The following FRYL variants were observed in gnomAD, a reference collection of about 807,000 sequenced individuals.
FRYL encodes FRY like transcription coactivator, also known as protein furry homolog-like.
A neutral mutation model predicts 351.2 loss-of-function variants in FRYL; 150 were observed. The ratio of observed to expected loss-of-function variants is 0.43; its 90% confidence interval spans 0.37 to 0.49. The LOEUF (loss-of-function observed/expected upper bound fraction) is 0.49, where lower values mean the gene tolerates loss of function less well. FRYL is among the 20% of genes least tolerant of loss of function. The pLI is 0.00. For missense variants in FRYL, 3,036 were observed against 3,619.3 expected, an observed-to-expected ratio of 0.84 and a Z score of 4.13; for synonymous variants, 1,153 against 1,257.1, an observed-to-expected ratio of 0.92 and a Z score of 1.75.
intron 3 of FRYL, among the ~76,000 whole-genome samples, chr4:48,640,870 T>C (rs1414078947): frequency 2.0e-5 from 3 of 152,054 alleles, no homozygotes; most frequent in African/African-American, 4.8e-5. Context: ...AGAACCAAAG[T>C]GCCTGGGAAG....
At chr4:48,610,656 T>C (rs1211157345) in intron 7 of FRYL, among the ~76,000 whole-genome samples, 3 of 146,850 alleles carry the variant, frequency 2.0e-5, no homozygotes, top group East Asian at 1.9e-4. Context: ...TATGTATATA[T>C]TGTATATATA....
intron 44 of FRYL, 47 bp from the exon 45 acceptor site, chr4:48,542,168 G>T (rs1160199666): frequency 7.7e-7 from 1 of 1,300,502 alleles, no homozygotes; most frequent in Non-Finnish European, 1.1e-6. Flanking sequence ...CTGGAATAAA[G>T]AAACTGCAAT....
intron 16 of FRYL, among the ~76,000 whole-genome samples, chr4:48,593,271 C>CAAAAAAA (rs35026740): frequency 1.5e-5 from 2 of 133,728 alleles, no homozygotes; most frequent in Non-Finnish European, 3.1e-5. Flanking sequence ...AAAAAACAAC[C>CAAAAAAA]AAAAAAAAAA....
intron 30 of FRYL, among the ~76,000 whole-genome samples, chr4:48,564,313 G>C (rs1407421833): frequency 6.6e-6 from 1 of 152,196 alleles, no homozygotes; most frequent in Non-Finnish European, 1.5e-5. Context: ...TTTTACGCGA[G>C]CCTCTCTAGT....
chr4:48,638,225 T>C (rs1225207905), intron 3 of FRYL: 2 of 152,252 alleles, frequency 1.3e-5, no homozygotes, highest in Middle Eastern at 3.4e-3. Flanking sequence ...TATTTATGCA[T>C]AGATTTATAT....
chr4:48,527,410 G>C, intron 53 of FRYL, 67 bp downstream of exon 53: 2 of 1,313,008 alleles, frequency 1.5e-6, no homozygotes, highest in Non-Finnish European at 2.1e-6. Context: ...GAATGATCCT[G>C]TGATCAAATC....
At chr4:48,531,111 G>T in intron 50 of FRYL, 45 bp downstream of exon 50, 1 of 1,203,924 alleles carries the variant, frequency 8.3e-7, no homozygotes, top group Non-Finnish European at 1.2e-6. Flanking sequence ...ATAAACAAAT[G>T]AAAATTCCTA....
At chr4:48,609,611 C>T in intron 8 of FRYL, 133 bp downstream of exon 8, 1 of 459,356 alleles carries the variant, frequency 2.2e-6, no homozygotes, top group Non-Finnish European at 3.8e-6. Context: ...GAAAGTGAGA[C>T]CTTGCCTCAA....
intron 2 of FRYL, among the ~76,000 whole-genome samples, chr4:48,691,758 T>TCA (rs1765701438): frequency 6.6e-6 from 1 of 152,212 alleles, no homozygotes; most frequent in African/African-American, 2.4e-5. Flanking sequence ...CACTATGAAT[T>TCA]CATTTTACCA....
intron 27 of FRYL, among the ~76,000 whole-genome samples, chr4:48,569,083 A>G (rs1737615335): frequency 6.6e-6 from 1 of 152,218 alleles, no homozygotes; most frequent in Non-Finnish European, 1.5e-5. Context: ...CTTAATAGTC[A>G]TATAGTTTTT....
intron 48 of FRYL, 114 bp downstream of exon 48, chr4:48,535,543 C>T (rs910401120): frequency 6.4e-5 from 32 of 500,262 alleles, no homozygotes; most frequent in Admixed American, 4.4e-4. Flanking sequence ...TGATAAGGTG[C>T]CACAGAGTAG....
chr4:48,658,188 G>T (rs971805685), intron 3 of FRYL, among the ~76,000 whole-genome samples: 4 of 151,950 alleles, frequency 2.6e-5, no homozygotes, highest in African/African-American at 9.7e-5. Flanking sequence ...TAAATGGTCT[G>T]GCTAAACAAA....
chr4:48,626,985 T>G (rs1020319968), intron 4 of FRYL, among the ~76,000 whole-genome samples: 6 of 152,122 alleles, frequency 3.9e-5, no homozygotes, highest in Non-Finnish European at 7.4e-5. Context: ...TAAGCATATT[T>G]GGTCAATTAT....
intron 37 of FRYL, 126 bp from the exon 38 acceptor site, chr4:48,550,830 T>C: frequency 2.9e-6 from 2 of 698,866 alleles, no homozygotes; most frequent in Non-Finnish European, 5.0e-6. Context: ...TCCCAGCACT[T>C]TGGGAGGCCA....
chr4:48,718,259 C>T (rs151050776), intron 1 of FRYL, among the ~76,000 whole-genome samples: 1 of 151,666 alleles, frequency 6.6e-6, no homozygotes, highest in East Asian at 1.9e-4. Flanking sequence ...AATGCTTTGT[C>T]TCTAAACATT....
At chr4:48,670,335 A>G (rs897083122) in intron 3 of FRYL, among the ~76,000 whole-genome samples, 1 of 151,924 alleles carries the variant, frequency 6.6e-6, no homozygotes, top group African/African-American at 2.4e-5. Context: ...TGGAAGGCTG[A>G]GGCAGGAAGA....
intron 3 of FRYL, among the ~76,000 whole-genome samples, chr4:48,648,971 T>C (rs775710533): frequency 2.0e-5 from 3 of 152,168 alleles, no homozygotes; most frequent in Non-Finnish European, 4.4e-5. Flanking sequence ...AGTATGTGAA[T>C]CTCACAATAA....
chr4:48,588,155 T>C (rs1425779712), intron 18 of FRYL, among the ~76,000 whole-genome samples: 1 of 152,208 alleles, frequency 6.6e-6, no homozygotes, highest in African/African-American at 2.4e-5. Context: ...AAGTGTGCAA[T>C]GGTGTTGCCT....
intron 3 of FRYL, among the ~76,000 whole-genome samples, chr4:48,661,594 C>A (rs1760729302): frequency 1.3e-5 from 2 of 152,212 alleles, no homozygotes; most frequent in African/African-American, 4.8e-5. Context: ...CTAAACCAAG[C>A]TGCAAAGGAT....
Sources: gnomAD v4.1 joint callset for allele counts (sites outside exome capture counted in the v4.1 genomes callset) on GRCh38, gnomAD v4.1.1 for gene constraint, MANE v1.5 for transcripts, NCBI Gene and HGNC (gene_info 2026-07-23, HGNC 2026-07-21) for gene names.